The following EP400 variants were observed in gnomAD, a reference collection of about 807,000 sequenced individuals.
EP400 encodes the protein E1A-binding protein p400.
EP400 carries 105 observed loss-of-function variants against 354.1 expected under a neutral mutation model. That is an observed-to-expected ratio of 0.30 (90% CI 0.25 to 0.35). The LOEUF is 0.35. Ranked by LOEUF, EP400 falls within the 10% of genes least tolerant of loss-of-function variation. The pLI is 1.00. For missense variants in EP400, 3,280 were observed against 4,121.0 expected (o/e 0.80, Z 5.59); for synonymous variants, 1,646 against 1,716.9 (o/e 0.96, Z 1.02).
intron 1 of EP400, among the ~76,000 whole-genome samples, chr12:131,950,375 C>T (rs1891424658): frequency 2.0e-5 from 3 of 152,168 alleles, no homozygotes; most frequent in African/African-American, 7.2e-5. Context: ...GGGACTCCGG[C>T]CCGCGCCTCC....
At chr12:131,995,059 C>T (rs1893158095) in intron 12 of EP400, 103 bp downstream of exon 12, 1 of 1,131,890 alleles carries the variant, frequency 8.8e-7, no homozygotes. Flanking sequence ...GCAGCAGTGC[C>T]TGTTTTATGG....
In EP400 at chr12:131,986,732, A is replaced by G. The variant is rs1892867263; in HGVS notation, c.2148A>G (p.Lys716=). ...GGGTGGTGGCATCTGCCCCCACCAA[A>G]CCACAGAGTCCTGCTCAGAATGCCA... is the stretch of plus-strand genomic sequence containing the variant. The part of the protein sequence containing the change: ...TPGVVASAPT[K]PQSPAQNATS... Residue 716 remains lysine (K), a synonymous_variant, in exon 6 of 53, where the codon AAA becomes AAG. Coordinates refer to ENST00000389561, the MANE Select transcript of EP400 (RefSeq NM_015409.5). 1 of 1,614,232 alleles carries G rather than the reference A, an allele frequency of 6.2e-7. No homozygotes were observed. Among genetic ancestry groups the G allele is most frequent in the Non-Finnish European group, 8.5e-7 (1 of 1,180,038 alleles).
chr12:132,051,580 A>G (rs561592651), intron 41 of EP400, among the ~76,000 whole-genome samples: 66 of 152,302 alleles, frequency 4.3e-4, no homozygotes, highest in Middle Eastern at 3.4e-3. Flanking sequence ...AACATCTTAC[A>G]TTATTATTTC....
chr12:132,057,287 A>G (rs1205454371), intron 45 of EP400, among the ~76,000 whole-genome samples: 2 of 152,266 alleles, frequency 1.3e-5, no homozygotes, highest in Admixed American at 1.3e-4. Flanking sequence ...GAATGGGCTG[A>G]TAAACCATGG....
rs1895314205 is a variant in EP400, at chr12:132,052,192, A to G, written c.7395-954A>G. 1.3e-5 allele frequency among the ~76,000 whole-genome samples: 2 copies of G among 152,358 alleles called. No individual in the cohort carries two copies. The highest frequency in any genetic ancestry group is 2.9e-5 in the Non-Finnish European group (2 of 68,028). ...AACTATTCTTGTTTTATATTTTATTATACTGGAACAGCTCGTGTCCTTGGT... is the reference window on the plus strand; with the variant it reads ...AACTATTCTTGTTTTATATTTTATTGTACTGGAACAGCTCGTGTCCTTGGT... On this transcript the variant is annotated intron_variant, in intron 41 of 52. Transcript: ENST00000389561. This position sits in a 1 kb window ranked among gnomAD's most constrained non-coding sequence, Gnocchi z 4.4.
chr12:131,962,391 C>T (rs1042977908), intron 2 of EP400, among the ~76,000 whole-genome samples: 5 of 152,148 alleles, frequency 3.3e-5, no homozygotes, highest in Admixed American at 6.5e-5. Context: ...ACATTTTACT[C>T]GTATAGATCT....
In EP400 at chr12:131,995,882, A is replaced by G. The variant is rs557766320; in HGVS notation, c.2827+926A>G. Among the ~76,000 whole-genome samples, 104 of 149,392 alleles carry G rather than the reference A, an allele frequency of 7.0e-4. 1 individual carries two copies. Among genetic ancestry groups the G allele is most frequent in the East Asian group, 3.0e-3 (15 of 5,038 alleles). ...GAACTTCATACGAACGAATCCCACC[A>G]CAGCTTGACTGAATGTACCGTTCAT... On this transcript the variant is annotated intron_variant, in intron 12 of 52. Transcript: ENST00000389561.
chr12:131,953,307 T>A (rs1214367680), intron 1 of EP400, among the ~76,000 whole-genome samples: 1 of 152,210 alleles, frequency 6.6e-6, no homozygotes, highest in Non-Finnish European at 1.5e-5. Flanking sequence ...ATTTATAACC[T>A]TATTATTTGG....
Position 132,078,953 on chromosome 12 carries a change from A to G in EP400, c.*1280A>G, listed in dbSNP as rs1268809776. ...CTTACTTTGAAGTTTTCACCAAAGC[A>G]AAAAGGTCCATATCCAATAGTATCC... On this transcript the variant is annotated 3_prime_UTR_variant, in exon 53 of 53. Coordinates refer to ENST00000389561, the MANE Select transcript of EP400 (RefSeq NM_015409.5). The G allele has an allele frequency of 6.6e-6, 1 of 152,244 alleles. No individual in the cohort carries two copies. The highest frequency in any genetic ancestry group is 6.5e-5 in the Admixed American group (1 of 15,288). 9.4% of individuals were successfully genotyped at this position (152,244 alleles called of 1,614,324 possible).
chr12:132,076,340 C>T (rs942800465), intron 51 of EP400, 176 bp from the exon 52 acceptor site: 8 of 709,514 alleles, frequency 1.1e-5, no homozygotes, highest in African/African-American at 1.0e-4. Flanking sequence ...ACTCACCATG[C>T]AGTGGAACGA....
At position 131,960,470 on chromosome 12, in the gene EP400, G is replaced by A. The variant is rs893580186; in HGVS notation, c.-35-115G>A. On this transcript the variant is annotated intron_variant, in intron 1 of 52. Coordinates refer to ENST00000389561, the MANE Select transcript of EP400 (RefSeq NM_015409.5). ...ATATTGAATGTGAGTCAGCTCTGTC[G>A]TTTGAATCAGATGCGGTGGGAATGT... 7.7e-6 allele frequency: 8 copies of A among 1,037,954 alleles called. No homozygotes were observed. The East Asian group carries it at 7.9e-5, about 10-fold the overall frequency. The allele number at this position is 1,037,954 out of a possible 1,614,324, so 64.3% of individuals were successfully genotyped here.
At chr12:131,959,432 C>T (rs1265811782) in intron 1 of EP400, among the ~76,000 whole-genome samples, 2 of 152,288 alleles carry the variant, frequency 1.3e-5, no homozygotes, top group African/African-American at 4.8e-5. Context: ...CCTGTAGATA[C>T]TGGAGTCTGT....
chr12:131,969,299 T>G (rs574727276), intron 2 of EP400, among the ~76,000 whole-genome samples: 1 of 152,304 alleles, frequency 6.6e-6, no homozygotes, highest in African/African-American at 2.4e-5. Flanking sequence ...TATATTAAAT[T>G]GAGGCATACT....
intron 15 of EP400, 101 bp from the exon 16 acceptor site, chr12:132,011,397 C>A: frequency 1.4e-6 from 2 of 1,430,264 alleles, no homozygotes; most frequent in Non-Finnish European, 9.5e-7. Context: ...GCTCATGTGA[C>A]ACATACTCAT....
chr12:132,049,377 A>G (rs145241982), intron 39 of EP400, among the ~76,000 whole-genome samples: 1 of 152,324 alleles, frequency 6.6e-6, no homozygotes, highest in East Asian at 1.9e-4. Flanking sequence ...GCTTCCCTGT[A>G]TGGTACAGTG....
chr12:132,013,846 C>G lies in EP400; in HGVS notation c.3856C>G (p.His1286Asp). 1 of 1,614,204 alleles carries G rather than the reference C, an allele frequency of 6.2e-7. No homozygotes were observed. The highest frequency in any genetic ancestry group is 2.2e-5 in the East Asian group (1 of 44,886). ...AAAGCAACTAACAAAGAAATATGAG[C>G]ATGTTTTGAAGTGTCGCCTTTCTAA... is the stretch of plus-strand genomic sequence containing the variant. ...VEKQLTKKYE[H>D]VLKCRLSNRQ... The change falls in exon 19 of 53, where the codon CAT (histidine) becomes GAT (aspartate). Residue 1286 changes from histidine (H) to aspartate (D), a missense_variant. Coordinates refer to ENST00000389561, the MANE Select transcript of EP400 (RefSeq NM_015409.5). The surrounding 1 kb of genome is among the most constrained non-coding windows in gnomAD (Gnocchi z 4.5).
intron 2 of EP400, among the ~76,000 whole-genome samples, chr12:131,969,681 C>T (rs1318103406): frequency 6.6e-6 from 1 of 152,076 alleles, no homozygotes; most frequent in African/African-American, 2.4e-5. Context: ...GACAAAGAGC[C>T]TGGTTCCTTT....
chr12:132,018,499 C>T lies in EP400; in HGVS notation c.4277+123C>T. ...TTAGGTTATCTGCTGCTCTTGGGAC[C>T]TTGCTGGTGTCCTTGGCTGTGGTAT... On this transcript the variant is annotated intron_variant, in intron 21 of 52. Transcript: ENST00000389561. The surrounding 1 kb of genome is among the most constrained non-coding windows in gnomAD (Gnocchi z 4.0). 7.4e-7 allele frequency: 1 copy of T among 1,346,810 alleles called. No individual in the cohort carries two copies. The highest frequency in any genetic ancestry group is 9.9e-7 in the Non-Finnish European group (1 of 1,006,768). The allele number at this position is 1,346,810 out of a possible 1,614,324, so 83.4% of individuals were successfully genotyped here.
chr12:132,036,828 T>C (rs1313928964), intron 30 of EP400, among the ~76,000 whole-genome samples: 2 of 152,262 alleles, frequency 1.3e-5, no homozygotes, highest in African/African-American at 4.8e-5. Context: ...GGTTTGCTGT[T>C]GATGAAGTTG....
Sources: gnomAD v4.1 joint callset for allele counts (sites outside exome capture counted in the v4.1 genomes callset) on GRCh38, gnomAD v4.1.1 for gene constraint, Gnocchi (gnomAD v3.1) non-coding constraint, MANE v1.5 for transcripts, NCBI Gene and HGNC (gene_info 2026-07-23, HGNC 2026-07-21) for gene names.